Variants in NAALADL2 observed in about 807,000 individuals in gnomAD.
NAALADL2 encodes the protein N-acetylated alpha-linked acidic dipeptidase like 2, also known as inactive N-acetylated-alpha-linked acidic dipeptidase-like protein 2.
Under a neutral mutation model 87.2 loss-of-function variants are expected in NAALADL2, and 76 were observed. The observed-to-expected ratio is 0.87, with a 90% CI of 0.72 to 1.05. NAALADL2 has a LOEUF of 1.05. Ranked by LOEUF, NAALADL2 falls within the 50% of genes least tolerant of loss-of-function variation. The pLI is 0.00. For synonymous variants in NAALADL2, 354 were observed against 331.0 expected, an observed-to-expected ratio of 1.07 and a Z score of -0.75; for missense variants, 1,089 against 945.8, an observed-to-expected ratio of 1.15 and a Z score of -1.99.
chr3:175,717,961 C>G (rs2150023131), intron 11 of NAALADL2, among the ~76,000 whole-genome samples: 1 of 151,752 alleles, frequency 6.6e-6, no homozygotes, highest in African/African-American at 2.4e-5. Flanking sequence ...AGGCGCCCAT[C>G]ACCACACCCA....
intron 2 of NAALADL2, among the ~76,000 whole-genome samples, chr3:175,135,787 A>G (rs1194916148): frequency 6.6e-6 from 1 of 152,224 alleles, no homozygotes; most frequent in African/African-American, 2.4e-5. Context: ...GATCAATAAA[A>G]TAAGTATGTA....
At chr3:174,486,781 T>C (rs1261595764) in intron 1 of NAALADL2, among the ~76,000 whole-genome samples, 6 of 152,032 alleles carry the variant, frequency 3.9e-5, no homozygotes, top group African/African-American at 1.4e-4. Context: ...TAATTAGTTA[T>C]ATCACTGAAA....
chr3:174,571,630 C>T (rs13071384), intron 2 of NAALADL2, among the ~76,000 whole-genome samples: 45,702 of 151,912 alleles, frequency 0.3, 8,763 homozygotes, highest in East Asian at 0.75. Context: ...CTGCCTGCCT[C>T]GGCCTCCCAA....
intron 2 of NAALADL2, among the ~76,000 whole-genome samples, chr3:174,580,833 C>A (rs1255377209): frequency 1.3e-5 from 2 of 152,106 alleles, no homozygotes; most frequent in African/African-American, 4.8e-5. Context: ...ACTTCCATTT[C>A]TCTCAGGGAG....
chr3:174,578,879 G>C (rs1281952599), intron 2 of NAALADL2, among the ~76,000 whole-genome samples: 1 of 151,740 alleles, frequency 6.6e-6, no homozygotes, highest in Non-Finnish European at 1.5e-5. Context: ...GCCACAAACT[G>C]GGCAAAATAT....
intron 6 of NAALADL2, among the ~76,000 whole-genome samples, chr3:175,453,957 T>C (rs1721946067): frequency 6.6e-6 from 1 of 152,162 alleles, no homozygotes; most frequent in Non-Finnish European, 1.5e-5. Flanking sequence ...GCTGAACCAC[T>C]TATCACATGA....
intron 2 of NAALADL2, among the ~76,000 whole-genome samples, chr3:175,232,893 C>CA: frequency 1.2e-5 from 1 of 82,714 alleles, no homozygotes; most frequent in Non-Finnish European, 3.0e-5. Context: ...ATTTCAGCCA[C>CA]AAAATTAAAA....
At chr3:175,693,089 G>T in intron 11 of NAALADL2, among the ~76,000 whole-genome samples, 1 of 152,146 alleles carries the variant, frequency 6.6e-6, no homozygotes, top group East Asian at 1.9e-4. Flanking sequence ...TGGAAGCATG[G>T]TCTTCTAGAT....
chr3:174,839,566 A>G (rs144103077), intron 3 of NAALADL2, among the ~76,000 whole-genome samples: 14,948 of 152,192 alleles, frequency 0.098, 815 homozygotes, highest in Middle Eastern at 0.13. Context: ...CAACCCACAG[A>G]GTGAGAGAAA....
At chr3:174,589,219 G>A (rs572060341) in intron 2 of NAALADL2, among the ~76,000 whole-genome samples, 2 of 152,298 alleles carry the variant, frequency 1.3e-5, no homozygotes, top group Admixed American at 6.5e-5. Flanking sequence ...TGCTAAGACT[G>A]TTGGAAAAGT....
At chr3:175,155,355 G>T (rs1732154496) in intron 2 of NAALADL2, among the ~76,000 whole-genome samples, 2 of 152,112 alleles carry the variant, frequency 1.3e-5, no homozygotes, top group African/African-American at 4.8e-5. Context: ...TTCTTCACCA[G>T]GTGTAACTTG....
At chr3:174,566,819 C>A (rs1027302451) in intron 2 of NAALADL2, among the ~76,000 whole-genome samples, 7 of 148,842 alleles carry the variant, frequency 4.7e-5, no homozygotes, top group Non-Finnish European at 9.0e-5. Flanking sequence ...TTTTTCTTTT[C>A]AAATCGCTGG....
intron 3 of NAALADL2, among the ~76,000 whole-genome samples, chr3:174,780,708 T>C (rs1323173832): frequency 1.3e-5 from 2 of 152,188 alleles, no homozygotes; most frequent in Admixed American, 1.3e-4. Context: ...TGGAATTTTA[T>C]CAAAGGCCTT....
At chr3:175,061,154 G>A (rs1333640145) in intron 1 of NAALADL2, among the ~76,000 whole-genome samples, 1 of 151,984 alleles carries the variant, frequency 6.6e-6, no homozygotes, top group Non-Finnish European at 1.5e-5. Context: ...TGGAATATGA[G>A]ATATTTAAGA....
At chr3:175,667,968 A>C (rs1025810544) in intron 11 of NAALADL2, among the ~76,000 whole-genome samples, 2 of 152,050 alleles carry the variant, frequency 1.3e-5, no homozygotes, top group Non-Finnish European at 2.9e-5. Context: ...TGCATAAGGG[A>C]CCATCCAGCC....
rs1282457984 is a variant in NAALADL2 at position 175,256,516 on chromosome 3, C to A, written c.925C>A (p.Pro309Thr). ...QIALLKLGKL[P>T]LLYKLSSLEK... is the part of the protein sequence containing the mutation. ...CGCACTCCTGAAATTAGGAAAATTG[C>A]CACTGCTTTATAAGGTTGGTCCAGT... Residue 309 changes from proline to threonine, a missense_variant, in exon 4 of 14, where the codon CCA becomes ACA. Coordinates refer to ENST00000454872, the MANE Select transcript of NAALADL2 (RefSeq NM_207015.3). 6.2e-7 allele frequency: 1 copy of A among 1,611,552 alleles called. No individual in the cohort carries two copies. Among genetic ancestry groups the A allele is most frequent in the Non-Finnish European group, 8.5e-7 (1 of 1,179,002 alleles).
chr3:174,937,047 A>G (rs1222321045), intron 1 of NAALADL2, among the ~76,000 whole-genome samples: 2 of 152,120 alleles, frequency 1.3e-5, no homozygotes, highest in Non-Finnish European at 2.9e-5. Flanking sequence ...TAAGATTCAG[A>G]TTTTTAAAAT....
At chr3:174,737,091 C>A (rs1733294339) in intron 2 of NAALADL2, among the ~76,000 whole-genome samples, 1 of 152,214 alleles carries the variant, frequency 6.6e-6, no homozygotes, top group Non-Finnish European at 1.5e-5. Flanking sequence ...TCCACCTGTT[C>A]CTGGCTCCTG....
chr3:175,727,553 A>G (rs1216578191), intron 11 of NAALADL2, among the ~76,000 whole-genome samples: 1 of 152,174 alleles, frequency 6.6e-6, no homozygotes, highest in East Asian at 1.9e-4. Context: ...GAATTCTTCA[A>G]TGACTTTGGA....
Sources: allele counts gnomAD v4.1 joint callset (sites outside exome capture counted in the v4.1 genomes callset), GRCh38; gene constraint gnomAD v4.1.1; transcripts MANE v1.5; gene names NCBI Gene and HGNC (gene_info 2026-07-23, HGNC 2026-07-21).